Variants in TNKS2 observed in about 807,000 individuals in gnomAD.
The protein encoded by TNKS2 is poly [ADP-ribose] polymerase tankyrase-2.
Under a neutral mutation model 137.6 loss-of-function variants are expected in TNKS2, and 72 were observed. The ratio of observed to expected loss-of-function variants is 0.52; its 90% CI spans 0.43 to 0.64. The LOEUF (loss-of-function observed/expected upper bound fraction) is 0.64, where lower values mean the gene tolerates loss of function less well. Ranked by LOEUF, TNKS2 falls within the 30% of genes least tolerant of loss-of-function variation. The pLI, the probability that TNKS2 is intolerant of heterozygous loss-of-function variation, is 0.00. For missense variants in TNKS2, 1,049 were observed against 1,410.2 expected (o/e 0.74, Z 4.10); for synonymous variants, 516 against 512.1 (o/e 1.01, Z -0.10).
chr10:91,837,497 CT>C (rs1842063275), intron 13 of TNKS2, among the ~76,000 whole-genome samples: 2 of 152,156 alleles, frequency 1.3e-5, no homozygotes, highest in Admixed American at 1.3e-4. Flanking sequence ...CAGGTCTTAC[CT>C]GTTTCTCCGA....
intron 7 of TNKS2, 32 bp from the exon 8 acceptor site, chr10:91,826,985 T>A: frequency 6.8e-7 from 1 of 1,470,392 alleles, no homozygotes; most frequent in Non-Finnish European, 9.0e-7. Context: ...TTTTAAAAAT[T>A]GAACATTAAA....
chr10:91,830,027 A>G (rs1845191165), intron 9 of TNKS2, among the ~76,000 whole-genome samples: 1 of 152,210 alleles, frequency 6.6e-6, no homozygotes, highest in African/African-American at 2.4e-5. Context: ...TCCTGGATAC[A>G]TCATAGATAG....
intron 13 of TNKS2, among the ~76,000 whole-genome samples, chr10:91,840,296 C>T (rs1354015264): frequency 4.6e-5 from 7 of 151,916 alleles, no homozygotes; most frequent in African/African-American, 7.3e-5. Flanking sequence ...ACTGAGATTG[C>T]GCCACTGCAC....
chr10:91,817,070 G>A, intron 2 of TNKS2, 64 bp from the exon 3 acceptor site: 1 of 1,166,136 alleles, frequency 8.6e-7, no homozygotes, highest in Non-Finnish European at 1.3e-6. Context: ...TTGAGAAAAT[G>A]ATTTACTAAA....
chr10:91,857,169 T>G (rs1335149222), intron 23 of TNKS2, among the ~76,000 whole-genome samples: 1 of 152,226 alleles, frequency 6.6e-6, no homozygotes, highest in Admixed American at 6.5e-5. Flanking sequence ...TGGAAGTGTT[T>G]TAATAAATTA....
chr10:91,853,708 T>A (rs1842622376), intron 21 of TNKS2, among the ~76,000 whole-genome samples: 1 of 152,234 alleles, frequency 6.6e-6, no homozygotes, highest in African/African-American at 2.4e-5. Flanking sequence ...TAAAACACTC[T>A]CCATATGCTC....
At chr10:91,833,793 G>C in intron 11 of TNKS2, 60 bp from the exon 12 acceptor site, 5 of 1,352,736 alleles carry the variant, frequency 3.7e-6, no homozygotes, top group Non-Finnish European at 4.9e-6. Flanking sequence ...TTAAATACAT[G>C]ATTGTATGGT....
rs1842235153 is a variant in TNKS2 at position 91,842,385 on chromosome 10, T to C, written c.2053T>C (p.Leu685=). 1 of 1,613,812 alleles carries C rather than the reference T, an allele frequency of 6.2e-7. No homozygotes were observed. Among genetic ancestry groups the C allele is most frequent in the Non-Finnish European group, 8.5e-7 (1 of 1,179,770 alleles). The change falls in exon 16 of 27, where the codon TTA becomes CTA. Residue 685 remains leucine, a synonymous_variant. Transcript: ENST00000371627. ...TQGRHSTPLH[L]AAGYNNLEVA... is the part of the protein sequence containing the mutation. ...AGGCAGACATTCAACACCTTTACAT[T>C]TAGCAGGTAAGTGAATGAAGTTTCA...
Position 91,864,901 on chromosome 10 carries a change from C to T in TNKS2, c.*1902C>T, listed in dbSNP as rs1394633303. On this transcript the variant is annotated 3_prime_UTR_variant, in exon 27 of 27. Transcript: ENST00000371627. The stretch of plus-strand genomic sequence containing the variant: ...TATGAGTGAATCTGGAATTGCTTTT[C>T]ATGTGAAATCATTGTGGTCTATGAG... The T allele has an allele frequency of 1.3e-5, 2 of 152,574 alleles. No homozygotes were observed. Among genetic ancestry groups the T allele is most frequent in the Non-Finnish European group, 2.9e-5 (2 of 68,010 alleles). The allele number at this position is 152,574 out of a possible 1,614,324, so 9.5% of individuals were successfully genotyped here.
At chr10:91,841,220 A>G in intron 14 of TNKS2, 63 bp from the exon 15 acceptor site, 3 of 1,309,190 alleles carry the variant, frequency 2.3e-6, no homozygotes, top group Non-Finnish European at 1.0e-6. Flanking sequence ...CATCAGTTAT[A>G]TGTAATTATT....
At position 91,848,961 on chromosome 10, in the gene TNKS2, C is replaced by T. The variant is rs148054166; in HGVS notation, c.2611+326C>T. ...AAGCAATGCTCCTGCCTCAGCCTCC[C>T]GAGTAGCTGAAATTGCAGGCACCCA... On this transcript the variant is annotated intron_variant, in intron 19 of 26. Transcript: ENST00000371627. 3.3e-3 allele frequency among the ~76,000 whole-genome samples: 503 copies of T among 152,238 alleles called. 4 individuals carry two copies. Among genetic ancestry groups the T allele is most frequent in the African/African-American group, 0.012 (487 of 41,546 alleles).
intron 11 of TNKS2, among the ~76,000 whole-genome samples, chr10:91,831,787 A>G (rs1434457279): frequency 6.6e-6 from 1 of 152,216 alleles, no homozygotes; most frequent in Non-Finnish European, 1.5e-5. Context: ...AAAGATATAC[A>G]TAGCATCTCA....
chr10:91,833,154 T>C (rs1348400646), intron 11 of TNKS2, among the ~76,000 whole-genome samples: 1 of 152,210 alleles, frequency 6.6e-6, no homozygotes, highest in Non-Finnish European at 1.5e-5. Flanking sequence ...CCTGTAGAGA[T>C]ATAGAACATT....
intron 18 of TNKS2, 31 bp from the exon 19 acceptor site, chr10:91,848,351 AT>A (rs1564626095): frequency 6.3e-7 from 1 of 1,593,018 alleles, no homozygotes; most frequent in Non-Finnish European, 8.5e-7. Context: ...AAACTTGCTT[AT>A]GGCAGATGTT....
At chr10:91,836,500 C>T (rs1429441832) in intron 12 of TNKS2, 1 of 351,848 alleles carries the variant, frequency 2.8e-6, no homozygotes, top group Non-Finnish European at 4.0e-6. Context: ...CTGAAAAAAT[C>T]TGAGAACCAG....
chr10:91,837,032 G>A (rs776942054), intron 13 of TNKS2, 34 bp downstream of exon 13: 1 of 1,602,042 alleles, frequency 6.2e-7, no homozygotes, highest in Non-Finnish European at 8.5e-7. Context: ...GTTAACTTTG[G>A]GTTTTTATTT....
At chr10:91,798,958 A>G in intron 1 of TNKS2, 69 bp downstream of exon 1, 3 of 1,288,838 alleles carry the variant, frequency 2.3e-6, no homozygotes, top group Non-Finnish European at 3.0e-6. Context: ...CACAGGTCTG[A>G]AACCAGTGCT....
chr10:91,857,105 A>T (rs979945907), intron 23 of TNKS2, among the ~76,000 whole-genome samples: 1 of 152,152 alleles, frequency 6.6e-6, no homozygotes, highest in African/African-American at 2.4e-5. Flanking sequence ...TACAGAAAAA[A>T]CTCGGCATGT....
rs1156795224 is a variant in TNKS2, at chr10:91,845,801, C to T, written c.2219C>T (p.Ala740Val). Residue 740 changes from alanine to valine, a missense_variant, in exon 18 of 27, where the codon GCC becomes GTC. Physicochemically the swap from Ala to Val is moderately conservative, Grantham distance 64. Around this residue, in one of 6 missense-constraint regions of TNKS2, gnomAD observed 328 missense variants for 436.0 expected, o/e 0.75. Coordinates refer to ENST00000371627, the MANE Select transcript of TNKS2 (RefSeq NM_025235.4). Reference sequence around the variant, plus strand: ...ATAAAGTATAATGCATGTGTCAATGCCACGGACAAATGGGCTTTCACACCT... The same window carrying T: ...ATAAAGTATAATGCATGTGTCAATGTCACGGACAAATGGGCTTTCACACCT... ...LLIKYNACVN[A>V]TDKWAFTPLH... The T allele has an allele frequency of 1.9e-6, 3 of 1,603,298 alleles. No homozygotes were observed. In the Admixed American group the frequency reaches 5.0e-5, roughly 27 times the overall value.
Sources: allele counts gnomAD v4.1 joint callset (sites outside exome capture counted in the v4.1 genomes callset), GRCh38; gene constraint gnomAD v4.1.1; regional missense constraint gnomAD v4.1.1; transcripts MANE v1.5; gene names NCBI Gene and HGNC (gene_info 2026-07-23, HGNC 2026-07-21).